PCNX2: variants seen among roughly 807,000 people sequenced by gnomAD.
The protein encoded by PCNX2 is pecanex-like protein 2.
PCNX2 carries 168 observed loss-of-function variants against 223.8 expected under a neutral mutation model. The observed-to-expected ratio is 0.75, with a 90% CI of 0.66 to 0.85. The LOEUF is 0.85. Among genes scored for constraint, PCNX2 ranks in the 40% least tolerant of loss-of-function variants. The pLI is 0.00. For missense variants in PCNX2, 2,507 were observed against 2,675.5 expected, an observed-to-expected ratio of 0.94 and a Z score of 1.39; for synonymous variants, 1,006 against 1,052.6, an observed-to-expected ratio of 0.96 and a Z score of 0.86.
At chr1:233,326,971 C>T in the PCNX2 span, among the ~76,000 whole-genome samples, 1 of 152,136 alleles carries the variant, frequency 6.6e-6, no homozygotes, top group Non-Finnish European at 1.5e-5. Flanking sequence ...ATACCGACCA[C>T]GGGTCACTCT....
intron 19 of PCNX2, among the ~76,000 whole-genome samples, chr1:233,151,591 C>G (rs1255407362): frequency 6.6e-6 from 1 of 152,186 alleles, no homozygotes; most frequent in Non-Finnish European, 1.5e-5. Context: ...TGGATAAACA[C>G]CCTGTGGCTT....
chr1:233,235,957 A>AATATATATATATATATATATATAT (rs1553319644), intron 9 of PCNX2, among the ~76,000 whole-genome samples: 10 of 93,098 alleles, frequency 1.1e-4, no homozygotes, highest in African/African-American at 1.6e-4. Flanking sequence ...CATAAAAAAA[A>AATATATATATATATATATATATAT]ATATATATAT....
chr1:233,000,911 A>G lies in PCNX2; in HGVS notation c.5098-376T>C, dbSNP rs1339150868. Among the ~76,000 whole-genome samples, 2 of 152,212 alleles carry G rather than the reference A, an allele frequency of 1.3e-5. No individual in the cohort carries two copies. The highest frequency in any genetic ancestry group is 6.5e-5 in the Admixed American group (1 of 15,278). ...CAAATCACCATTGGCTAAAGTCAAG[A>G]CTATCTGGACGGCTTCAATGCTTAG... is the stretch of plus-strand genomic sequence containing the variant. On this transcript the variant is annotated intron_variant, in intron 29 of 33. Coordinates refer to ENST00000258229, the MANE Select transcript of PCNX2 (RefSeq NM_014801.4). This position sits in a 1 kb window ranked among gnomAD's most constrained non-coding sequence, Gnocchi z 4.6.
chr1:233,144,422 A>G (rs1186667037), intron 19 of PCNX2, among the ~76,000 whole-genome samples: 1 of 152,194 alleles, frequency 6.6e-6, no homozygotes, highest in Non-Finnish European at 1.5e-5. Flanking sequence ...ATAGGTTATC[A>G]GGTGTGCATA....
At chr1:233,267,419 A>G (rs1167154180) in intron 1 of PCNX2, among the ~76,000 whole-genome samples, 1 of 152,162 alleles carries the variant, frequency 6.6e-6, no homozygotes, top group Non-Finnish European at 1.5e-5. Flanking sequence ...AGAGCTGAGG[A>G]GTGATAATTA....
intron 23 of PCNX2, among the ~76,000 whole-genome samples, chr1:233,074,170 T>C (rs752860032): frequency 6.6e-6 from 1 of 152,224 alleles, no homozygotes; most frequent in Non-Finnish European, 1.5e-5. Context: ...ACATTCTTTG[T>C]ATAATTTCAG....
chr1:233,039,652 G>C lies in PCNX2; in HGVS notation c.4352-14253C>G, dbSNP rs528815085. ...AAAGGCTCACAGTCTAATAGAGTCT[G>C]ACTTAGTTAATTTTTCATCGTCTGC... On this transcript the variant is annotated intron_variant, in intron 25 of 33. Coordinates refer to ENST00000258229, the MANE Select transcript of PCNX2 (RefSeq NM_014801.4). 2.0e-5 allele frequency among the ~76,000 whole-genome samples: 3 copies of C among 152,230 alleles called. No individual in the cohort carries two copies. The South Asian group carries it at 6.2e-4, about 32-fold the overall frequency.
chr1:233,141,500 T>C (rs940061914), intron 19 of PCNX2, among the ~76,000 whole-genome samples: 1 of 152,114 alleles, frequency 6.6e-6, no homozygotes, highest in Non-Finnish European at 1.5e-5. Context: ...AATCCGACTC[T>C]ACTAAAAATA....
rs755360475 is a variant in PCNX2 at position 233,263,035 on chromosome 1, C to T, written c.282G>A (p.Lys94=). The T allele has an allele frequency of 6.2e-7, 1 of 1,613,702 alleles. No individual in the cohort carries two copies. Among genetic ancestry groups the T allele is most frequent in the South Asian group, 1.1e-5 (1 of 91,080 alleles). Residue 94 remains lysine (K), a synonymous_variant, in exon 2 of 34, where the codon AAG becomes AAA. Coordinates refer to ENST00000258229, the MANE Select transcript of PCNX2 (RefSeq NM_014801.4). ...MFDKGEVIQQ[K]PSRKEEKPNK... ...TTGGCTTTTCTTCCTTTCTGGAGGG[C>T]TTTTGCTGAATTACTTCTCCTTTGT...
At chr1:233,149,737 C>T (rs1293717586) in intron 19 of PCNX2, among the ~76,000 whole-genome samples, 2 of 152,130 alleles carry the variant, frequency 1.3e-5, no homozygotes, top group Non-Finnish European at 2.9e-5. Flanking sequence ...AAGGAAGTCA[C>T]ATCATCCTTG....
At chr1:233,117,937 G>A (rs532320120) in intron 21 of PCNX2, among the ~76,000 whole-genome samples, 1 of 149,790 alleles carries the variant, frequency 6.7e-6, no homozygotes, top group South Asian at 2.1e-4. Flanking sequence ...GTGAACCCGG[G>A]AGGCGGAGCT....
intron 25 of PCNX2, among the ~76,000 whole-genome samples, chr1:233,037,554 C>G (rs1398663762): frequency 6.7e-6 from 1 of 148,522 alleles, no homozygotes; most frequent in Admixed American, 6.7e-5. Flanking sequence ...CTATGTTGCC[C>G]AGGCTGGTCT....
the PCNX2 span, among the ~76,000 whole-genome samples, chr1:233,324,217 C>T: frequency 3.3e-5 from 5 of 152,156 alleles, no homozygotes; most frequent in African/African-American, 4.8e-5. Flanking sequence ...GTCATCTCAA[C>T]GTAAAAGTGC....
At chr1:233,270,027 G>C (rs1660564802) in intron 1 of PCNX2, among the ~76,000 whole-genome samples, 2 of 152,186 alleles carry the variant, frequency 1.3e-5, no homozygotes, top group African/African-American at 4.8e-5. Context: ...ATCAAATTAA[G>C]AGAGAGCACC....
At chr1:233,290,870 G>A (rs1661721300) in intron 1 of PCNX2, 1 of 985,302 alleles carries the variant, frequency 1.0e-6, no homozygotes, top group East Asian at 1.1e-4. Context: ...CACAAGCGGG[G>A]AAAGGGCTGC....
At position 233,258,875 on chromosome 1, in the gene PCNX2, T is replaced by C; in HGVS notation, c.987A>G (p.Thr329=). 1 of 1,613,964 alleles carries C rather than the reference T, an allele frequency of 6.2e-7. No individual in the cohort carries two copies. Among genetic ancestry groups the C allele is most frequent in the South Asian group, 1.1e-5 (1 of 91,086 alleles). Residue 329 remains threonine, a synonymous_variant, in exon 5 of 34, where the codon ACA becomes ACG. Coordinates refer to ENST00000258229, the MANE Select transcript of PCNX2 (RefSeq NM_014801.4). The stretch of plus-strand genomic sequence containing the variant: ...GGCAGGAGGTATCTACCTGACAGGA[T>C]GTGTCTGCTGGCTCCTCCACAGGCT... ...VAKPVEEPAD[T]SCQVDTSCQG...
chr1:233,018,773 A>C, intron 26 of PCNX2: 3 of 985,424 alleles, frequency 3.0e-6, no homozygotes, highest in Non-Finnish European at 3.6e-6. Context: ...CTCACTGTGA[A>C]ATCATGAGGG....
At chr1:233,324,956 T>C in the PCNX2 span, among the ~76,000 whole-genome samples, 15 of 152,186 alleles carry the variant, frequency 9.9e-5, 2 homozygotes, top group South Asian at 3.1e-3. Flanking sequence ...CTTTTCAAAA[T>C]ATTACTACTC....
chr1:233,237,094 T>C (rs1435625031), intron 8 of PCNX2, 114 bp from the exon 9 acceptor site: 1 of 1,322,146 alleles, frequency 7.6e-7, no homozygotes, highest in African/African-American at 1.5e-5. Context: ...TGGATGAGAC[T>C]TTACAACCTT....
Sources: allele counts gnomAD v4.1 joint callset (sites outside exome capture counted in the v4.1 genomes callset), GRCh38; gene constraint gnomAD v4.1.1; non-coding constraint Gnocchi (gnomAD v3.1); transcripts MANE v1.5; gene names NCBI Gene and HGNC (gene_info 2026-07-23, HGNC 2026-07-21).